The following MCM9 variants were observed in gnomAD, a reference collection of about 807,000 sequenced individuals.
The protein encoded by MCM9 is DNA helicase MCM9.
A neutral mutation model predicts 72.8 loss-of-function variants in MCM9; 55 were observed. The observed-to-expected ratio is 0.76, with a 90% CI of 0.61 to 0.95. The LOEUF (loss-of-function observed/expected upper bound fraction) is 0.95. Among genes scored for constraint, MCM9 ranks in the 40% least tolerant of loss-of-function variants. The probability of loss-of-function intolerance (pLI) is 0.00; values close to 1 mark genes in which losing one functional copy is unlikely to be tolerated. For missense variants in MCM9, 1,279 were observed against 1,377.0 expected (o/e 0.93, Z 1.13); for synonymous variants, 480 against 503.4 (o/e 0.95, Z 0.62).
intron 7 of MCM9, 147 bp downstream of exon 7, chr6:118,913,147 CT>C (rs1189484612): frequency 1.2e-6 from 1 of 855,790 alleles, no homozygotes; most frequent in Non-Finnish European, 1.8e-6. Context: ...AGATGCTAGA[CT>C]AAGTATAAGA....
chr6:118,840,841 A>T (rs1481819426), intron 9 of MCM9, among the ~76,000 whole-genome samples: 2 of 150,526 alleles, frequency 1.3e-5, no homozygotes, highest in African/African-American at 4.9e-5. Context: ...GGGCTCAAGC[A>T]AACCTCCCAT....
At chr6:118,845,703 G>A (rs1158612996) in intron 9 of MCM9, among the ~76,000 whole-genome samples, 1 of 151,688 alleles carries the variant, frequency 6.6e-6, no homozygotes, top group East Asian at 1.9e-4. Flanking sequence ...AGCTGAATTT[G>A]TAGGCCAGCT....
At chr6:118,900,282 CTG>C (rs1233383118) in intron 8 of MCM9, among the ~76,000 whole-genome samples, 3 of 152,174 alleles carry the variant, frequency 2.0e-5, no homozygotes, top group Admixed American at 2.0e-4. Flanking sequence ...CTTTGGAGCT[CTG>C]TGATTATTTG....
chr6:118,846,426 C>T (rs904317472), intron 9 of MCM9, among the ~76,000 whole-genome samples: 8 of 151,738 alleles, frequency 5.3e-5, no homozygotes, highest in African/African-American at 1.9e-4. Context: ...TGCTGGAGAA[C>T]ACAGATAAAA....
chr6:118,873,830 G>T (rs1172698694), intron 8 of MCM9, among the ~76,000 whole-genome samples: 2 of 152,136 alleles, frequency 1.3e-5, no homozygotes, highest in Non-Finnish European at 2.9e-5. Context: ...CAAGAAAACT[G>T]CAGTCCATAT....
intron 6 of MCM9, among the ~76,000 whole-genome samples, chr6:118,917,305 A>G (rs1269814381): frequency 6.6e-6 from 1 of 152,200 alleles, no homozygotes; most frequent in Non-Finnish European, 1.5e-5. Context: ...GGAAACTCTG[A>G]AATTGTTTTG....
In MCM9 at chr6:118,827,981, T is replaced by C; in HGVS notation, c.1678A>G (p.Asn560Asp). The change falls in exon 11 of 14, where the codon AAC becomes GAC. Residue 560 changes from asparagine (N) to aspartate (D), a missense_variant. Asn to Asp is a conservative substitution (Grantham distance 23). Transcript: ENST00000619706. ...AGCCGAATGGTGGTCCGGGCAGCGT[T>C]CCGGCAATCACTCTGCCTTTGCATC... ...YQMQRQSDCR[N>D]AARTTIRLLE... is the part of the protein sequence containing the mutation. 1 of 1,551,038 alleles carries C rather than the reference T, an allele frequency of 6.4e-7. No individual in the cohort carries two copies. Among genetic ancestry groups the C allele is most frequent in the South Asian group, 1.2e-5 (1 of 84,068 alleles).
chr6:118,833,002 T>A (rs991778288), intron 9 of MCM9, among the ~76,000 whole-genome samples: 1 of 152,186 alleles, frequency 6.6e-6, no homozygotes, highest in Non-Finnish European at 1.5e-5. Flanking sequence ...TAGAAGAACA[T>A]AAACCACTTT....
rs1773363868 is a variant in MCM9, at chr6:118,815,613, T to C, written c.2643A>G (p.Val881=). The C allele has an allele frequency of 6.4e-7, 1 of 1,550,510 alleles. No homozygotes were observed. The highest frequency in any genetic ancestry group is 1.4e-5 in the African/African-American group (1 of 73,172). ...AGTCCAGCATTCTGTCTGGGCTATG[T>C]ACAGGAGTGGACTGAGGATGGGAAG... is the stretch of plus-strand genomic sequence containing the variant. ...TVPSHPQSTP[V]HSPDRMLDSP... Residue 881 remains valine (V), a synonymous_variant, in exon 14 of 14, where the codon GTA becomes GTG. Transcript: ENST00000619706.
chr6:118,916,908 T>C (rs1043998538), intron 6 of MCM9, among the ~76,000 whole-genome samples: 11 of 152,242 alleles, frequency 7.2e-5, no homozygotes, highest in Non-Finnish European at 2.9e-5. Context: ...GAAACGTCTA[T>C]TACTGGCTTC....
Position 118,931,680 on chromosome 6 carries a change from G to T in MCM9, c.44C>A (p.Ser15Ter). The T allele has an allele frequency of 6.2e-7, 1 of 1,613,664 alleles. No homozygotes were observed. Among genetic ancestry groups the T allele is most frequent in the South Asian group, 1.1e-5 (1 of 91,012 alleles). Residue 15 changes from serine to a stop codon, truncating the protein, a stop_gained, in exon 3 of 14, where the codon TCA becomes TAA. Coordinates refer to ENST00000619706, the MANE Select transcript of MCM9 (RefSeq NM_017696.3). LOFTEE classifies it high-confidence loss of function. Reference sequence around the variant, plus strand: ...ATTCTTATGGTATTCCGAAACATATGACTCAAACACTTGACCAACCAGTGT... The same window carrying T: ...ATTCTTATGGTATTCCGAAACATATTACTCAAACACTTGACCAACCAGTGT... ...QVTLVGQVFE[S>*]YVSEYHKNDI...
chr6:118,879,732 T>TAA (rs568419067), intron 8 of MCM9, among the ~76,000 whole-genome samples: 2 of 140,428 alleles, frequency 1.4e-5, no homozygotes. Flanking sequence ...GACATCAAAT[T>TAA]AAAAAAAAAA....
rs909459375 is a variant in MCM9, at chr6:118,826,799, T to C, written c.1798A>G (p.Met600Val). The C allele has an allele frequency of 6.5e-7, 1 of 1,550,220 alleles. No individual in the cohort carries two copies. The highest frequency in any genetic ancestry group is 2.0e-5 in the Admixed American group (1 of 50,952). The change falls in exon 12 of 14, where the codon ATG becomes GTG. Residue 600 changes from methionine to valine, a missense_variant. Met to Val is a conservative substitution (Grantham distance 21). Coordinates refer to ENST00000619706, the MANE Select transcript of MCM9 (RefSeq NM_017696.3). The stretch of plus-strand genomic sequence containing the variant: ...ATCCTTACCTGCATTGAGGACTCCA[T>C]GACTGACACCACCGTAATAGCGTCT... ...LEDAITVVSV[M>V]ESSMQGGALL...
intron 12 of MCM9, 60 bp from the exon 13 acceptor site, chr6:118,826,352 A>C: frequency 6.7e-7 from 1 of 1,488,342 alleles, no homozygotes; most frequent in East Asian, 2.5e-5. Context: ...CGGTAAGTAC[A>C]CTCTAGGGAC....
chr6:118,893,950 G>GGCCACGCCCCCTCCGCCCCTC (rs1217321475), intron 8 of MCM9: 7 of 868,728 alleles, frequency 8.1e-6, no homozygotes, highest in East Asian at 1.6e-4. Flanking sequence ...TCCCCGCCGC[G>GGCCACGCCCCCTCCGCCCCTC]GCCACGCCCC....
intron 8 of MCM9, among the ~76,000 whole-genome samples, chr6:118,901,726 T>G (rs1338447745): frequency 2.0e-5 from 3 of 152,214 alleles, no homozygotes; most frequent in Non-Finnish European, 4.4e-5. Context: ...AGCCATAGGT[T>G]TTTTAAAACT....
chr6:118,890,907 G>T (rs1252237655), intron 8 of MCM9, among the ~76,000 whole-genome samples: 3 of 152,106 alleles, frequency 2.0e-5, no homozygotes, highest in Non-Finnish European at 4.4e-5. Context: ...ACCCGAGGTG[G>T]AAATCTAGAT....
intron 8 of MCM9, among the ~76,000 whole-genome samples, chr6:118,858,774 T>C (rs1026937346): frequency 2.0e-5 from 3 of 152,080 alleles, no homozygotes; most frequent in Non-Finnish European, 4.4e-5. Flanking sequence ...GACAACCAAA[T>C]TGAGAGACGA....
chr6:118,886,418 T>C (rs1218678341), intron 8 of MCM9, among the ~76,000 whole-genome samples: 1 of 151,958 alleles, frequency 6.6e-6, no homozygotes. Flanking sequence ...GAAATAAAAC[T>C]ATCTCTATTT....
Sources: gnomAD v4.1 joint callset for allele counts (sites outside exome capture counted in the v4.1 genomes callset) on GRCh38, gnomAD v4.1.1 for gene constraint, MANE v1.5 for transcripts, NCBI Gene and HGNC (gene_info 2026-07-23, HGNC 2026-07-21) for gene names.